Variants in THSD7B observed in about 807,000 individuals in gnomAD.
THSD7B encodes the protein thrombospondin type 1 domain containing 7B, also known as thrombospondin type-1 domain-containing protein 7B.
Under a neutral mutation model 213.6 loss-of-function variants are expected in THSD7B, and 138 were observed. The ratio of observed to expected loss-of-function variants is 0.65; its 90% CI spans 0.56 to 0.74. The LOEUF (loss-of-function observed/expected upper bound fraction) is 0.74. THSD7B is among the 30% of genes least tolerant of loss of function. The pLI, the probability that THSD7B is intolerant of heterozygous loss-of-function variation, is 0.00. For synonymous variants in THSD7B, 742 were observed against 687.0 expected (o/e 1.08, Z -1.25); for missense variants, 1,931 against 1,991.5 (o/e 0.97, Z 0.58).
intron 2 of THSD7B, among the ~76,000 whole-genome samples, chr2:136,910,775 T>G (rs1684243437): frequency 6.6e-6 from 1 of 152,156 alleles, no homozygotes; most frequent in Admixed American, 6.5e-5. Flanking sequence ...ATATAATTTT[T>G]AATGATATTA....
intron 5 of THSD7B, among the ~76,000 whole-genome samples, chr2:137,151,727 G>A (rs960114873): frequency 3.3e-5 from 5 of 152,128 alleles, no homozygotes; most frequent in African/African-American, 1.2e-4. Flanking sequence ...ATAATTGTAT[G>A]TGCTGTACTT....
intron 2 of THSD7B, among the ~76,000 whole-genome samples, chr2:136,952,832 T>C (rs1408558478): frequency 6.6e-6 from 1 of 152,200 alleles, no homozygotes; most frequent in Non-Finnish European, 1.5e-5. Flanking sequence ...AGAGATACTC[T>C]GGAAGAACAT....
intron 15 of THSD7B, among the ~76,000 whole-genome samples, chr2:137,455,957 A>G (rs1190221854): frequency 6.6e-6 from 1 of 152,240 alleles, no homozygotes; most frequent in East Asian, 1.9e-4. Context: ...AGTTCCAGAC[A>G]ACTATATATT....
chr2:136,789,786 C>T (rs1681928871), intron 1 of THSD7B, among the ~76,000 whole-genome samples: 2 of 152,034 alleles, frequency 1.3e-5, no homozygotes, highest in Admixed American at 6.6e-5. Flanking sequence ...GATTTTGTTT[C>T]CAAGATTGGT....
intron 2 of THSD7B, among the ~76,000 whole-genome samples, chr2:136,974,352 C>T (rs13416164): frequency 0.075 from 11,339 of 151,628 alleles, 512 homozygotes; most frequent in East Asian, 0.21. Flanking sequence ...CTCCCCTGAA[C>T]CCCCCGCCCC....
intron 21 of THSD7B, among the ~76,000 whole-genome samples, chr2:137,643,961 A>G (rs1682985082): frequency 6.6e-6 from 1 of 152,176 alleles, no homozygotes; most frequent in Non-Finnish European, 1.5e-5. Flanking sequence ...AACTTGTTCT[A>G]TAGGAATATT....
intron 1 of THSD7B, among the ~76,000 whole-genome samples, chr2:136,862,461 G>A (rs1429981): frequency 0.79 from 120,780 of 152,180 alleles, 48,221 homozygotes; most frequent in Middle Eastern, 0.94. Context: ...TGAACACCTG[G>A]TTAGCATTGA....
At chr2:136,821,514 G>T (rs911531261) in intron 1 of THSD7B, among the ~76,000 whole-genome samples, 1 of 152,176 alleles carries the variant, frequency 6.6e-6, no homozygotes, top group Non-Finnish European at 1.5e-5. Flanking sequence ...ACTGGTGGCT[G>T]AGTTGGAACA....
chr2:136,963,127 T>C (rs1242531217), intron 2 of THSD7B, among the ~76,000 whole-genome samples: 1 of 152,180 alleles, frequency 6.6e-6, no homozygotes, highest in Non-Finnish European at 1.5e-5. Flanking sequence ...GCCAAATGTA[T>C]GTATAGTCAC....
chr2:137,283,601 A>T (rs1403483868), intron 12 of THSD7B, among the ~76,000 whole-genome samples: 1 of 152,206 alleles, frequency 6.6e-6, no homozygotes, highest in Non-Finnish European at 1.5e-5. Flanking sequence ...GAGAGTTTTT[A>T]GCATGAAGCG....
intron 2 of THSD7B, among the ~76,000 whole-genome samples, chr2:136,964,061 T>C (rs1276182349): frequency 3.3e-5 from 5 of 152,202 alleles, no homozygotes; most frequent in Admixed American, 2.0e-4. Context: ...AGTACACGAT[T>C]TTTGTTGCTG....
At chr2:137,487,423 ACATT>A (rs1204349484) in intron 15 of THSD7B, among the ~76,000 whole-genome samples, 9 of 145,956 alleles carry the variant, frequency 6.2e-5, no homozygotes, top group Non-Finnish European at 1.3e-4. Context: ...AAGAGCAAAC[ACATT>A]CAAAAGCTAG....
intron 1 of THSD7B, among the ~76,000 whole-genome samples, chr2:136,873,038 A>AC (rs1338823681): frequency 1.3e-5 from 2 of 150,084 alleles, no homozygotes; most frequent in African/African-American, 4.9e-5. Flanking sequence ...AAAAAAAAAA[A>AC]AAAAAAAGAA....
chr2:137,367,015 A>G (rs890104743), intron 12 of THSD7B, among the ~76,000 whole-genome samples: 4 of 152,058 alleles, frequency 2.6e-5, no homozygotes, highest in African/African-American at 9.7e-5. Context: ...CAAGGTTAAT[A>G]TGTACTCGTT....
chr2:137,436,659 G>A (rs572067637), intron 14 of THSD7B, among the ~76,000 whole-genome samples: 61 of 152,156 alleles, frequency 4.0e-4, no homozygotes, highest in African/African-American at 1.3e-3. Flanking sequence ...TCTTACAACA[G>A]CCTCTTGTGC....
At chr2:137,653,682 T>C (rs369009183) in intron 21 of THSD7B, among the ~76,000 whole-genome samples, 1 of 151,136 alleles carries the variant, frequency 6.6e-6, no homozygotes, top group Non-Finnish European at 1.5e-5. Flanking sequence ...CTAATTCTTT[T>C]CTCTGCTTGA....
At chr2:137,482,018 A>C (rs1480492412) in intron 15 of THSD7B, among the ~76,000 whole-genome samples, 2 of 152,140 alleles carry the variant, frequency 1.3e-5, no homozygotes, top group Non-Finnish European at 2.9e-5. Context: ...TCTACTAAAA[A>C]TACAAAAAAA....
At chr2:137,307,216 TGA>T (rs1175882252) in intron 12 of THSD7B, among the ~76,000 whole-genome samples, 2 of 152,116 alleles carry the variant, frequency 1.3e-5, no homozygotes, top group Non-Finnish European at 2.9e-5. Context: ...GTCTATTAGA[TGA>T]GAAGTTCAAG....
intron 1 of THSD7B, among the ~76,000 whole-genome samples, chr2:136,804,611 G>A (rs1682251745): frequency 6.6e-6 from 1 of 152,142 alleles, no homozygotes; most frequent in South Asian, 2.1e-4. Context: ...GTCAGCTGGA[G>A]TGTTTGGATC....
Sources: allele counts gnomAD v4.1 joint callset (sites outside exome capture counted in the v4.1 genomes callset), GRCh38; gene constraint gnomAD v4.1.1; transcripts MANE v1.5; gene names NCBI Gene and HGNC (gene_info 2026-07-23, HGNC 2026-07-21).